The following PRTG variants were observed in gnomAD, a reference collection of about 807,000 sequenced individuals.
PRTG encodes immunoglobulin superfamily, DCC subclass, member 5.
A neutral mutation model predicts 122.5 loss-of-function variants in PRTG; 67 were observed. The observed-to-expected ratio is 0.55, with a 90% confidence interval of 0.45 to 0.67. The LOEUF (loss-of-function observed/expected upper bound fraction) is 0.67, where lower values mean the gene tolerates loss of function less well. Among genes scored for constraint, PRTG ranks in the 30% least tolerant of loss-of-function variants. PRTG has a pLI of 0.00. For missense variants in PRTG, 1,435 were observed against 1,415.4 expected (o/e 1.01, Z -0.22); for synonymous variants, 554 against 501.1 (o/e 1.11, Z -1.41).
chr15:55,637,444 C>T, intron 14 of PRTG, 104 bp from the exon 15 acceptor site: 5 of 893,494 alleles, frequency 5.6e-6, no homozygotes, highest in Non-Finnish European at 8.0e-6. Flanking sequence ...AATTAGAAAC[C>T]TCCATAAGAA....
At chr15:55,727,564 G>A (rs2031077189) in intron 2 of PRTG, among the ~76,000 whole-genome samples, 1 of 152,182 alleles carries the variant, frequency 6.6e-6, no homozygotes, top group African/African-American at 2.4e-5. Context: ...GGGAGGCTGA[G>A]GTGGGAGGAC....
intron 11 of PRTG, among the ~76,000 whole-genome samples, chr15:55,656,907 G>C (rs972215184): frequency 1.3e-5 from 2 of 152,156 alleles, no homozygotes; most frequent in African/African-American, 4.8e-5. Flanking sequence ...GTTTGACACT[G>C]AGGACAATAA....
chr15:55,634,220 A>G (rs2059243878), intron 15 of PRTG, among the ~76,000 whole-genome samples: 1 of 151,814 alleles, frequency 6.6e-6, no homozygotes, highest in South Asian at 2.1e-4. Flanking sequence ...GGCGCCTGCC[A>G]CCACGCCTGG....
At chr15:55,634,179 T>C (rs996664149) in intron 15 of PRTG, among the ~76,000 whole-genome samples, 1 of 150,648 alleles carries the variant, frequency 6.6e-6, no homozygotes, top group Non-Finnish European at 1.5e-5. Context: ...GTGATTCTCC[T>C]GCCTCAGCCT....
At chr15:55,682,583 A>AT (rs2059546717) in intron 3 of PRTG, 86 bp from the exon 4 acceptor site, 1 of 203,488 alleles carries the variant, frequency 4.9e-6, no homozygotes, top group Non-Finnish European at 7.3e-6. Context: ...TTTATTTATG[A>AT]GATGGAGTTT....
chr15:55,667,207 G>GA (rs34815542), intron 11 of PRTG, among the ~76,000 whole-genome samples: 156 of 143,960 alleles, frequency 1.1e-3, no homozygotes, highest in South Asian at 6.5e-3. Flanking sequence ...AATAATTTAA[G>GA]AAAAAAAAAA....
chr15:55,727,474 T>A (rs1055521965), intron 2 of PRTG, among the ~76,000 whole-genome samples: 12 of 152,170 alleles, frequency 7.9e-5, no homozygotes, highest in African/African-American at 2.7e-4. Flanking sequence ...AACAGGCTTA[T>A]AACAAGTGAA....
chr15:55,724,924 G>C (rs2030969910), intron 2 of PRTG, among the ~76,000 whole-genome samples: 2 of 152,158 alleles, frequency 1.3e-5, no homozygotes, highest in Admixed American at 6.5e-5. Context: ...TAAAGAAAGT[G>C]CTAGAGGCTG....
chr15:55,652,225 A>G (rs2059356716), intron 11 of PRTG, among the ~76,000 whole-genome samples: 1 of 152,152 alleles, frequency 6.6e-6, no homozygotes, highest in Admixed American at 6.5e-5. Context: ...AAAAGTAGGT[A>G]GCAATCAGAA....
chr15:55,657,264 G>A (rs1169835799), intron 11 of PRTG, among the ~76,000 whole-genome samples: 3 of 151,990 alleles, frequency 2.0e-5, no homozygotes, highest in African/African-American at 7.2e-5. Flanking sequence ...TGTTTTATGG[G>A]GTCAGAATTG....
At chr15:55,709,214 A>ATAGTT (rs1324577379) in intron 2 of PRTG, among the ~76,000 whole-genome samples, 7 of 75,652 alleles carry the variant, frequency 9.3e-5, no homozygotes, top group African/African-American at 2.3e-4. Context: ...GACCCTTTAG[A>ATAGTT]TAGTTTAATT....
chr15:55,657,950 G>A (rs554841204), intron 11 of PRTG, among the ~76,000 whole-genome samples: 6 of 152,040 alleles, frequency 3.9e-5, no homozygotes, highest in Admixed American at 6.6e-5. Context: ...ACCATCACAC[G>A]GAGATAAACA....
intron 2 of PRTG, among the ~76,000 whole-genome samples, chr15:55,715,953 A>G (rs1213849628): frequency 6.6e-6 from 1 of 152,176 alleles, no homozygotes; most frequent in Non-Finnish European, 1.5e-5. Flanking sequence ...AACTATTAAA[A>G]CGCCCAACAC....
At chr15:55,699,749 T>C (rs898395035) in intron 2 of PRTG, among the ~76,000 whole-genome samples, 2 of 152,204 alleles carry the variant, frequency 1.3e-5, no homozygotes, top group Admixed American at 6.6e-5. Flanking sequence ...TGTATTTTCA[T>C]TGGTCTAAGG....
intron 11 of PRTG, among the ~76,000 whole-genome samples, chr15:55,653,254 C>G (rs990330649): frequency 2.0e-5 from 3 of 152,000 alleles, no homozygotes; most frequent in Admixed American, 2.0e-4. Context: ...GGAAGCTGAC[C>G]AGTAGAGTAC....
At chr15:55,733,825 T>TCAA (rs1309493226) in intron 2 of PRTG, among the ~76,000 whole-genome samples, 1 of 152,092 alleles carries the variant, frequency 6.6e-6, no homozygotes, top group Non-Finnish European at 1.5e-5. Flanking sequence ...AGACTCTGAC[T>TCAA]CAACAACAAA....
In PRTG at chr15:55,614,313, GGCTCTT is replaced by G. The variant is rs1246441465; in HGVS notation, c.*5693_*5698del. 13 of 152,086 alleles carry G rather than the reference GGCTCTT, an allele frequency of 8.5e-5. No homozygotes were observed. Among genetic ancestry groups the G allele is most frequent in the African/African-American group, 2.4e-4 (10 of 41,422 alleles). The allele number at this position is 152,086 out of a possible 1,614,324, so 9.4% of individuals were successfully genotyped here. A position where few individuals can be genotyped will look rare whatever the true frequency, so the allele number is the denominator to read the frequency against. ...TATACATGCTGATGGCATAAGGAGA[GGCTCTT>G]GCTGAGAAGGATGGGGAATGTGAGG... On this transcript the variant is annotated 3_prime_UTR_variant, in exon 20 of 20. Coordinates refer to ENST00000389286, the MANE Select transcript of PRTG (RefSeq NM_173814.6).
rs752607739 is a variant in PRTG, at chr15:55,638,608, T to A, written c.2393A>T (p.His798Leu). The change falls in exon 14 of 20, where the codon CAT becomes CTT. Residue 798 changes from histidine to leucine, a missense_variant. Coordinates refer to ENST00000389286, the MANE Select transcript of PRTG (RefSeq NM_173814.6). ...NTKYEFAVRL[H>L]VDQLSSPWSP... Reference sequence around the variant, plus strand: ...CCAAGGACTGGAAAGCTGATCCACATGTAATCGAACGGCAAATTCGTATTT... The same window carrying A: ...CCAAGGACTGGAAAGCTGATCCACAAGTAATCGAACGGCAAATTCGTATTT... 1.5e-5 allele frequency: 24 copies of A among 1,613,494 alleles called. No homozygotes were observed. The highest frequency in any genetic ancestry group is 6.7e-5 in the Admixed American group (4 of 59,980).
intron 11 of PRTG, among the ~76,000 whole-genome samples, chr15:55,666,902 T>A (rs952128573): frequency 6.6e-6 from 1 of 152,194 alleles, no homozygotes; most frequent in Non-Finnish European, 1.5e-5. Flanking sequence ...CAGCTAGGAT[T>A]TCATTTGTTA....
Sources: gnomAD v4.1 joint callset for allele counts (sites outside exome capture counted in the v4.1 genomes callset) on GRCh38, gnomAD v4.1.1 for gene constraint, MANE v1.5 for transcripts, NCBI Gene and HGNC (gene_info 2026-07-23, HGNC 2026-07-21) for gene names.